The following SGTB variants were observed in gnomAD, a reference collection of about 807,000 sequenced individuals.
SGTB encodes small glutamine-rich tetratricopeptide repeat-containing protein beta.
In SGTB, 19 loss-of-function variants were observed where a neutral mutation model predicts 43.9. The observed-to-expected ratio is 0.43, with a 90% CI of 0.30 to 0.63. The LOEUF is 0.63. Among genes scored for constraint, SGTB ranks in the 30% least tolerant of loss-of-function variants. The pLI is 0.12. For missense variants in SGTB, 304 were observed against 358.9 expected (o/e 0.85, Z 1.24); for synonymous variants, 116 against 117.3 (o/e 0.99, Z 0.07).
At chr5:65,700,342 T>C (rs955069170) in intron 5 of SGTB, among the ~76,000 whole-genome samples, 3 of 152,074 alleles carry the variant, frequency 2.0e-5, no homozygotes, top group African/African-American at 4.8e-5. Flanking sequence ...GTGAACATGG[T>C]AGCAAATTTT....
chr5:65,717,294 T>A (rs552288772), intron 2 of SGTB, among the ~76,000 whole-genome samples: 1 of 152,146 alleles, frequency 6.6e-6, no homozygotes. Flanking sequence ...AAGGGAGACA[T>A]ACAATTAAGC....
upstream of SGTB, chr5:65,722,387 G>A: frequency 6.3e-7 from 1 of 1,589,816 alleles, no homozygotes; most frequent in Non-Finnish European, 8.5e-7. Context: ...ATCGCCCGGT[G>A]CCTTTTGGCT....
intron 5 of SGTB, among the ~76,000 whole-genome samples, chr5:65,701,009 C>CAA (rs1161067337): frequency 0.035 from 556 of 16,064 alleles, 63 homozygotes; most frequent in African/African-American, 0.098. Context: ...GACTCCGTCT[C>CAA]AAAAAAAAAA....
intron 8 of SGTB, 74 bp from the exon 9 acceptor site, chr5:65,672,355 G>T: frequency 6.4e-7 from 1 of 1,572,684 alleles, no homozygotes; most frequent in Non-Finnish European, 8.7e-7. Context: ...TTTTTTTTTA[G>T]AAGAATGAAA....
intron 5 of SGTB, among the ~76,000 whole-genome samples, chr5:65,697,643 T>C (rs1579871614): frequency 6.6e-6 from 1 of 152,232 alleles, no homozygotes; most frequent in African/African-American, 2.4e-5. Context: ...TTGGATTTTC[T>C]ATTTTGGGGA....
intron 5 of SGTB, among the ~76,000 whole-genome samples, chr5:65,689,701 T>C (rs1757568936): frequency 6.6e-6 from 1 of 152,092 alleles, no homozygotes; most frequent in African/African-American, 2.4e-5. Context: ...AGCAAAATAA[T>C]ATTCCTGTCC....
At chr5:65,709,788 A>C (rs541149099) in intron 3 of SGTB, among the ~76,000 whole-genome samples, 2 of 152,228 alleles carry the variant, frequency 1.3e-5, no homozygotes, top group South Asian at 4.1e-4. Flanking sequence ...TTGTATAGAG[A>C]CAGGGTCTCC....
intron 2 of SGTB, among the ~76,000 whole-genome samples, chr5:65,716,146 G>A (rs1024853817): frequency 3.3e-5 from 5 of 152,182 alleles, no homozygotes; most frequent in Admixed American, 6.5e-5. Context: ...TAAAGGAGAC[G>A]GGGGTGTTAG....
chr5:65,687,259 TC>T (rs1757516523), intron 5 of SGTB, among the ~76,000 whole-genome samples: 1 of 152,176 alleles, frequency 6.6e-6, no homozygotes, highest in Non-Finnish European at 1.5e-5. Flanking sequence ...CACTGACTTT[TC>T]CCCATCCAAT....
At chr5:65,705,231 C>A (rs1757906617) in intron 4 of SGTB, among the ~76,000 whole-genome samples, 1 of 141,898 alleles carries the variant, frequency 7.0e-6, no homozygotes, top group African/African-American at 2.4e-5. Context: ...TCACTTGAGG[C>A]CAGGAGTTCG....
intron 1 of SGTB, among the ~76,000 whole-genome samples, chr5:65,721,181 T>C (rs75529961): frequency 0.016 from 2,430 of 152,324 alleles, 70 homozygotes; most frequent in African/African-American, 0.055. Context: ...AGGCATTTCA[T>C]ACTGCTGACT....
chr5:65,693,221 A>T (rs1443361972), intron 5 of SGTB, among the ~76,000 whole-genome samples: 1 of 151,036 alleles, frequency 6.6e-6, no homozygotes, highest in Non-Finnish European at 1.5e-5. Context: ...AGGGAAGGGA[A>T]GGAAGGGAAA....
chr5:65,692,300 G>C (rs764749613), intron 5 of SGTB, among the ~76,000 whole-genome samples: 1 of 152,168 alleles, frequency 6.6e-6, no homozygotes, highest in African/African-American at 2.4e-5. Context: ...ATAGAAGTTT[G>C]TTAGGGAATA....
chr5:65,693,323 A>G (rs1027928140), intron 5 of SGTB, among the ~76,000 whole-genome samples: 4 of 149,878 alleles, frequency 2.7e-5, no homozygotes, highest in Non-Finnish European at 5.9e-5. Flanking sequence ...GAAAGAGAGA[A>G]AGAAAGAGGA....
intron 8 of SGTB, among the ~76,000 whole-genome samples, chr5:65,678,746 AT>A (rs1757329811): frequency 6.6e-6 from 1 of 152,230 alleles, no homozygotes; most frequent in African/African-American, 2.4e-5. Flanking sequence ...TGGGGAAAGG[AT>A]TCCCTATTTA....
rs931777026 is a variant in SGTB, at chr5:65,669,252, T to C, written c.*994A>G. 9 of 152,344 alleles carry C rather than the reference T, an allele frequency of 5.9e-5. No individual in the cohort carries two copies. In the South Asian group the frequency reaches 6.2e-4, roughly 11 times the overall value. 9.4% of individuals were successfully genotyped at this position (152,344 alleles called of 1,614,324 possible). On this transcript the variant is annotated 3_prime_UTR_variant, in exon 11 of 11. Coordinates refer to ENST00000381007, the MANE Select transcript of SGTB (RefSeq NM_019072.3). ...AATGTTAGTGATAGATGCTTTTTGTTATCCATCAAATAATTACTAAGTTTT... is the reference window on the plus strand; with the variant it reads ...AATGTTAGTGATAGATGCTTTTTGTCATCCATCAAATAATTACTAAGTTTT...
At chr5:65,686,078 A>G (rs560880913) in intron 5 of SGTB, among the ~76,000 whole-genome samples, 1 of 152,314 alleles carries the variant, frequency 6.6e-6, no homozygotes, top group Admixed American at 6.5e-5. Context: ...ACTCTCCTCA[A>G]TAACGTTTCC....
chr5:65,719,087 A>G (rs867555579), intron 2 of SGTB, among the ~76,000 whole-genome samples: 11 of 152,218 alleles, frequency 7.2e-5, no homozygotes, highest in African/African-American at 2.4e-4. Context: ...CCAACTGTGC[A>G]TCACCTGCTC....
At chr5:65,718,304 T>C (rs1268382636) in intron 2 of SGTB, among the ~76,000 whole-genome samples, 1 of 152,086 alleles carries the variant, frequency 6.6e-6, no homozygotes, top group Non-Finnish European at 1.5e-5. Flanking sequence ...CCTCACCCAG[T>C]TGTGACAATC....
Sources: gnomAD v4.1 joint callset for allele counts (sites outside exome capture counted in the v4.1 genomes callset) on GRCh38, gnomAD v4.1.1 for gene constraint, MANE v1.5 for transcripts, NCBI Gene and HGNC (gene_info 2026-07-23, HGNC 2026-07-21) for gene names.